Variants in SLC37A1 observed in about 807,000 individuals in gnomAD.
SLC37A1 encodes glucose-6-phosphate exchanger SLC37A1.
Under a neutral mutation model 75.3 loss-of-function variants are expected in SLC37A1, and 49 were observed. The observed-to-expected ratio is 0.65, with a 90% confidence interval of 0.52 to 0.83. The LOEUF is 0.83. Ranked by LOEUF, SLC37A1 falls within the 40% of genes least tolerant of loss-of-function variation. SLC37A1 has a pLI of 0.00. For missense variants in SLC37A1, 566 were observed against 695.0 expected, an observed-to-expected ratio of 0.81 and a Z score of 2.09; for synonymous variants, 268 against 292.1, an observed-to-expected ratio of 0.92 and a Z score of 0.84.
chr21:42,573,941 T>C (rs919949387), intron 17 of SLC37A1, among the ~76,000 whole-genome samples: 1 of 152,254 alleles, frequency 6.6e-6, no homozygotes, highest in Non-Finnish European at 1.5e-5. Context: ...CTTGACATAA[T>C]TTCAGACTTT....
chr21:42,529,480 G>C (rs1482472934), intron 3 of SLC37A1, among the ~76,000 whole-genome samples: 1 of 151,972 alleles, frequency 6.6e-6, no homozygotes, highest in Non-Finnish European at 1.5e-5. Context: ...CTTGAACCTG[G>C]GAGGCGAATG....
In SLC37A1 at chr21:42,574,836, T is replaced by G; in HGVS notation, c.1442T>G (p.Leu481Arg). The G allele has an allele frequency of 6.2e-7, 1 of 1,614,178 alleles. No individual in the cohort carries two copies. The highest frequency in any genetic ancestry group is 8.5e-7 in the Non-Finnish European group (1 of 1,180,006). Residue 481 changes from leucine (L) to arginine (R), a missense_variant, in exon 18 of 20, where the codon CTG (leucine) becomes CGG (arginine). Leu to Arg is a moderately radical substitution (Grantham distance 102, BLOSUM62 -2). Coordinates refer to ENST00000352133, the MANE Select transcript of SLC37A1 (RefSeq NM_001320537.2). Reference protein sequence around the residue: ...TGSVGAALGPLLAGLLSPSGW... With the variant: ...TGSVGAALGPRLAGLLSPSGW... The stretch of plus-strand genomic sequence containing the variant: ...ATTTCAGGAGCAGCCCTGGGCCCCC[T>G]GCTGGCTGGGCTCCTCTCCCCGTCC...
chr21:42,546,716 G>GT (rs2055416678), intron 8 of SLC37A1, among the ~76,000 whole-genome samples: 1 of 152,240 alleles, frequency 6.6e-6, no homozygotes, highest in Admixed American at 6.5e-5. Flanking sequence ...CAGCCAAGCT[G>GT]TGCCCTTGCC....
intron 2 of SLC37A1, among the ~76,000 whole-genome samples, chr21:42,507,473 C>T (rs1351159194): frequency 6.6e-6 from 1 of 152,140 alleles, no homozygotes; most frequent in African/African-American, 2.4e-5. Flanking sequence ...CCATCCTTTC[C>T]CAGACTCCAT....
In SLC37A1 at chr21:42,506,305, G is replaced by A. The variant is rs147000422; in HGVS notation, c.-179+3888G>A. Among the ~76,000 whole-genome samples, 727 of 152,252 alleles carry A rather than the reference G, an allele frequency of 4.8e-3. 6 individuals carry two copies. The highest frequency in any genetic ancestry group is 0.017 in the African/African-American group (686 of 41,534). On this transcript the variant is annotated intron_variant, in intron 2 of 20. Coordinates refer to the SLC37A1 transcript ENST00000398341. ...GATTTATATTAAGGATGGTGAGAGG[G>A]AATCAAACTTCATTTTTAGAGAAAA... is the stretch of plus-strand genomic sequence containing the variant.
chr21:42,562,112 C>G lies in SLC37A1; in HGVS notation c.1016C>G (p.Ala339Gly). The G allele has an allele frequency of 6.2e-7, 1 of 1,614,194 alleles. No individual in the cohort carries two copies. The highest frequency in any genetic ancestry group is 8.5e-7 in the Non-Finnish European group (1 of 1,180,030). ...GAGTTCTCACTGTGTCTGCTGTTTG[C>G]CAAGCTGGTCAGCTATACTTTCCTC... ...VIEFSLCLLF[A>G]KLVSYTFLFW... Residue 339 changes from alanine (A) to glycine (G), a missense_variant, in exon 12 of 20, where the codon GCC (alanine) becomes GGC (glycine). Ala to Gly is a moderately conservative substitution (Grantham distance 60). Coordinates refer to ENST00000352133, the MANE Select transcript of SLC37A1 (RefSeq NM_001320537.2).
chr21:42,518,623 T>A, intron 2 of SLC37A1, 113 bp downstream of exon 2: 1 of 1,193,944 alleles, frequency 8.4e-7, no homozygotes, highest in Non-Finnish European at 1.2e-6. Context: ...CTTGAATCAC[T>A]GACCTCACCC....
At chr21:42,522,051 C>G (rs1337247361) in intron 2 of SLC37A1, among the ~76,000 whole-genome samples, 1 of 152,226 alleles carries the variant, frequency 6.6e-6, no homozygotes, top group African/African-American at 2.4e-5. Flanking sequence ...CTGCATCACA[C>G]CAGTCTCTGC....
At chr21:42,546,552 G>A (rs760276015) in intron 8 of SLC37A1, among the ~76,000 whole-genome samples, 4 of 152,150 alleles carry the variant, frequency 2.6e-5, no homozygotes, top group Non-Finnish European at 4.4e-5. Context: ...TATTGGCCAC[G>A]CTGGGAAGTA....
rs1370425903 is a variant in SLC37A1, at chr21:42,580,689, G to C, written c.*329G>C. 4 of 341,646 alleles carry C rather than the reference G, an allele frequency of 1.2e-5. No individual in the cohort carries two copies. Among genetic ancestry groups the C allele is most frequent in the Non-Finnish European group, 5.5e-6 (1 of 181,962 alleles). The allele number at this position is 341,646 out of a possible 1,614,324, so 21.2% of individuals were successfully genotyped here. A position where few individuals can be genotyped will look rare whatever the true frequency, so the allele number is the denominator to read the frequency against. On this transcript the variant is annotated 3_prime_UTR_variant, in exon 20 of 20. Transcript: ENST00000352133. Reference sequence around the variant, plus strand: ...ACAACAAGGCCGGGAGGGTGGGGGGGGTGCACAGGTAGCCCCGACCCTCTC... The same window carrying C: ...ACAACAAGGCCGGGAGGGTGGGGGGCGTGCACAGGTAGCCCCGACCCTCTC...
intron 3 of SLC37A1, among the ~76,000 whole-genome samples, chr21:42,529,323 A>G (rs1028269845): frequency 3.3e-5 from 5 of 152,096 alleles, no homozygotes; most frequent in African/African-American, 1.2e-4. Flanking sequence ...TAATCCCAGC[A>G]CTTTGGGAGG....
intron 2 of SLC37A1, among the ~76,000 whole-genome samples, chr21:42,525,513 G>A (rs2054767137): frequency 6.6e-6 from 1 of 152,256 alleles, no homozygotes; most frequent in Admixed American, 6.5e-5. Flanking sequence ...TAGAAGTATG[G>A]TATGTTGTGT....
intron 2 of SLC37A1, 23 bp from the exon 3 acceptor site, chr21:42,525,753 T>C (rs1465148270): frequency 6.4e-7 from 1 of 1,561,716 alleles, no homozygotes; most frequent in Admixed American, 1.7e-5. Flanking sequence ...CATATCATCC[T>C]CTCCCACTGT....
At chr21:42,510,696 A>T (rs772357117), upstream of SLC37A1, among the ~76,000 whole-genome samples, 36 of 152,220 alleles carry the variant, frequency 2.4e-4, no homozygotes, top group Middle Eastern at 3.2e-3. Context: ...ATGGTTACCA[A>T]ATAGAGAGCA....
chr21:42,554,982 G>GGTTGT (rs368777229), intron 10 of SLC37A1, among the ~76,000 whole-genome samples: 1 of 116,598 alleles, frequency 8.6e-6, no homozygotes, highest in African/African-American at 3.1e-5. Context: ...TTGGTTGGTT[G>GGTTGT]TTTTTTTTTT....
intron 9 of SLC37A1, among the ~76,000 whole-genome samples, chr21:42,550,766 T>C (rs560917332): frequency 6.6e-6 from 1 of 152,380 alleles, no homozygotes; most frequent in Admixed American, 6.5e-5. Flanking sequence ...AATACACAGC[T>C]GGCTTAACAG....
chr21:42,556,198 C>T (rs892650438), intron 10 of SLC37A1, among the ~76,000 whole-genome samples: 11 of 152,336 alleles, frequency 7.2e-5, no homozygotes, highest in South Asian at 4.1e-4. Context: ...TCCCCGCGGG[C>T]GTTTTAGAGG....
At chr21:42,504,064 T>C (rs536082544) in intron 2 of SLC37A1, among the ~76,000 whole-genome samples, 49 of 152,340 alleles carry the variant, frequency 3.2e-4, no homozygotes, top group African/African-American at 1.1e-3. Flanking sequence ...AAAATACGTA[T>C]TTATTAAACA....
At chr21:42,529,942 A>G (rs2054903400) in intron 3 of SLC37A1, among the ~76,000 whole-genome samples, 1 of 152,206 alleles carries the variant, frequency 6.6e-6, no homozygotes, top group Non-Finnish European at 1.5e-5. Flanking sequence ...GCCTTCAGAC[A>G]TACTTCTGGG....
Sources: gnomAD v4.1 joint callset for allele counts (sites outside exome capture counted in the v4.1 genomes callset) on GRCh38, gnomAD v4.1.1 for gene constraint, MANE v1.5 for transcripts, NCBI Gene and HGNC (gene_info 2026-07-23, HGNC 2026-07-21) for gene names.